Variants in TTC27 observed in about 807,000 individuals in gnomAD.
The protein encoded by TTC27 is tetratricopeptide repeat protein 27.
In TTC27, 79 loss-of-function variants were observed where a neutral mutation model predicts 115.9. The ratio of observed to expected loss-of-function variants is 0.68; its 90% CI spans 0.57 to 0.82. TTC27 has a LOEUF of 0.82. Ranked by LOEUF, TTC27 falls within the 40% of genes least tolerant of loss-of-function variation. The pLI is 0.00. For synonymous variants in TTC27, 401 were observed against 356.0 expected (o/e 1.13, Z -1.42); for missense variants, 1,054 against 993.1 (o/e 1.06, Z -0.82).
At chr2:32,666,906 G>C in intron 7 of TTC27, 138 bp downstream of exon 7, 1 of 1,057,878 alleles carries the variant, frequency 9.5e-7, no homozygotes, top group South Asian at 2.4e-5. Context: ...AGGTTGCTGA[G>C]TCAGGGAGAA....
At chr2:32,640,847 T>G (rs1971205) in intron 4 of TTC27, among the ~76,000 whole-genome samples, 11,423 of 152,122 alleles carry the variant, frequency 0.075, 460 homozygotes, top group East Asian at 0.13. Flanking sequence ...CTGGGCGCAG[T>G]GGCGTGCACC....
chr2:32,732,797 A>G (rs1484575446), intron 10 of TTC27, among the ~76,000 whole-genome samples: 2 of 152,220 alleles, frequency 1.3e-5, no homozygotes, highest in East Asian at 3.9e-4. Flanking sequence ...TAACATCAGG[A>G]AATTAACATT....
intron 10 of TTC27, among the ~76,000 whole-genome samples, chr2:32,721,013 A>G (rs1667906496): frequency 6.6e-6 from 1 of 152,236 alleles, no homozygotes; most frequent in East Asian, 1.9e-4. Flanking sequence ...TCATTAAAGA[A>G]GGACTGGGAA....
intron 10 of TTC27, among the ~76,000 whole-genome samples, chr2:32,718,130 T>C (rs1031514826): frequency 9.9e-5 from 15 of 152,176 alleles, no homozygotes; most frequent in Non-Finnish European, 1.9e-4. Context: ...CAATTATGAC[T>C]CTATAGATGA....
chr2:32,667,608 G>T (rs897631239), intron 7 of TTC27, among the ~76,000 whole-genome samples: 1 of 150,932 alleles, frequency 6.6e-6, no homozygotes, highest in Admixed American at 6.6e-5. Flanking sequence ...TAGAGACAGG[G>T]TTTCTCCATG....
intron 13 of TTC27, among the ~76,000 whole-genome samples, chr2:32,773,628 T>A (rs1669901431): frequency 6.6e-6 from 1 of 152,204 alleles, no homozygotes; most frequent in Non-Finnish European, 1.5e-5. Flanking sequence ...TTGTCGCCTC[T>A]CTTAGGAGAG....
chr2:32,659,446 C>T (rs1665453316), intron 5 of TTC27, among the ~76,000 whole-genome samples: 1 of 136,814 alleles, frequency 7.3e-6, no homozygotes, highest in Admixed American at 7.9e-5. Context: ...TAACCAGTTT[C>T]TTTGATGTGT....
chr2:32,745,779 G>C (rs1178382833), intron 12 of TTC27, among the ~76,000 whole-genome samples: 1 of 152,188 alleles, frequency 6.6e-6, no homozygotes, highest in African/African-American at 2.4e-5. Flanking sequence ...TGAGCAGCCA[G>C]AGTCTCATGT....
chr2:32,809,817 A>G (rs998558748), intron 16 of TTC27, among the ~76,000 whole-genome samples: 3 of 152,216 alleles, frequency 2.0e-5, no homozygotes, highest in Non-Finnish European at 2.9e-5. Flanking sequence ...ACTGATGATA[A>G]TAAGATAGCC....
At position 32,777,971 on chromosome 2, in the gene TTC27, A is replaced by G. The variant is rs1180856822; in HGVS notation, c.1770A>G (p.Leu590=). 6 of 1,613,966 alleles carry G rather than the reference A, an allele frequency of 3.7e-6. No homozygotes were observed. The highest frequency in any genetic ancestry group is 1.1e-5 in the South Asian group (1 of 91,076). ...SAKAFQRCVT[L]EPDNAEAWNN... ...AGGCATTTCAGCGCTGTGTGACTCT[A>G]GAACCCGATGTAAGTTTGTTTGATC... Residue 590 remains leucine, a synonymous_variant, in exon 14 of 20, where the codon CTA becomes CTG. Coordinates refer to ENST00000317907, the MANE Select transcript of TTC27 (RefSeq NM_017735.5).
chr2:32,676,323 A>C (rs1480082678), intron 8 of TTC27, among the ~76,000 whole-genome samples: 1 of 152,014 alleles, frequency 6.6e-6, no homozygotes, highest in East Asian at 1.9e-4. Flanking sequence ...AAATCATTTC[A>C]TAGTTCTTTC....
chr2:32,716,030 G>T (rs1667743382), intron 10 of TTC27, among the ~76,000 whole-genome samples: 1 of 151,982 alleles, frequency 6.6e-6, no homozygotes, highest in Non-Finnish European at 1.5e-5. Context: ...ATATAGAAGT[G>T]GAAAGTAAAA....
chr2:32,781,586 G>A (rs531096108), intron 14 of TTC27, among the ~76,000 whole-genome samples: 2 of 151,996 alleles, frequency 1.3e-5, no homozygotes, highest in South Asian at 4.2e-4. Context: ...TGGGTCTGGA[G>A]TTGTCCTTAT....
chr2:32,707,207 A>G (rs1439783480), intron 10 of TTC27, among the ~76,000 whole-genome samples: 6 of 152,184 alleles, frequency 3.9e-5, no homozygotes. Flanking sequence ...TTATAAAGAA[A>G]AGAAATTTGT....
At chr2:32,761,015 A>G (rs950516735) in intron 13 of TTC27, among the ~76,000 whole-genome samples, 2 of 151,836 alleles carry the variant, frequency 1.3e-5, no homozygotes, top group Admixed American at 6.6e-5. Flanking sequence ...TACACTGACA[A>G]CTTCCCAGAT....
At chr2:32,714,298 A>C (rs964152463) in intron 10 of TTC27, among the ~76,000 whole-genome samples, 1 of 151,536 alleles carries the variant, frequency 6.6e-6, no homozygotes, top group Non-Finnish European at 1.5e-5. Context: ...ATCTGGCACT[A>C]CAGGAGCCTG....
intron 7 of TTC27, among the ~76,000 whole-genome samples, chr2:32,670,097 C>T (rs573986175): frequency 3.3e-5 from 5 of 151,704 alleles, no homozygotes; most frequent in East Asian, 1.9e-4. Flanking sequence ...AGGCTGGTCT[C>T]GAACTTCTGA....
chr2:32,686,418 C>T (rs914116936), intron 9 of TTC27, among the ~76,000 whole-genome samples: 3 of 151,476 alleles, frequency 2.0e-5, no homozygotes, highest in South Asian at 2.1e-4. Flanking sequence ...CAGGCTGGAG[C>T]GCAAAGGCAC....
At chr2:32,771,799 C>T (rs551584035) in intron 13 of TTC27, among the ~76,000 whole-genome samples, 3 of 152,294 alleles carry the variant, frequency 2.0e-5, no homozygotes, top group African/African-American at 4.8e-5. Context: ...GATTTCACTT[C>T]GGTCATTTCC....
Sources: gnomAD v4.1 joint callset for allele counts (sites outside exome capture counted in the v4.1 genomes callset) on GRCh38, gnomAD v4.1.1 for gene constraint, MANE v1.5 for transcripts, NCBI Gene and HGNC (gene_info 2026-07-23, HGNC 2026-07-21) for gene names.